The following RBFOX1 variants were observed in gnomAD, a reference collection of about 807,000 sequenced individuals.
RBFOX1 encodes RNA binding fox-1 homolog 1.
Under a neutral mutation model 57.7 loss-of-function variants are expected in RBFOX1, and 8 were observed. That is an observed-to-expected ratio of 0.14 (90% CI 0.08 to 0.25). The LOEUF is 0.25. Ranked by LOEUF, RBFOX1 falls within the 10% of genes least tolerant of loss-of-function variation. The pLI is 1.00. For synonymous variants in RBFOX1, 326 were observed against 222.4 expected, an observed-to-expected ratio of 1.47 and a Z score of -4.15; for missense variants, 611 against 548.5, an observed-to-expected ratio of 1.11 and a Z score of -1.14.
intron 3 of RBFOX1, among the ~76,000 whole-genome samples, chr16:5,698,208 G>C (rs1721078223): frequency 6.6e-6 from 1 of 152,062 alleles, no homozygotes. Flanking sequence ...TTCTTACACT[G>C]TTCTTGTTTG....
At chr16:7,601,225 T>C (rs963327604) in intron 9 of RBFOX1, among the ~76,000 whole-genome samples, 2 of 152,224 alleles carry the variant, frequency 1.3e-5, no homozygotes, top group Admixed American at 6.5e-5. Context: ...TCTTGAATTG[T>C]AGGAAGTTGT....
chr16:7,075,808 C>T (rs960059983), intron 4 of RBFOX1, among the ~76,000 whole-genome samples: 7 of 152,104 alleles, frequency 4.6e-5, no homozygotes. Context: ...TCTTGATCTC[C>T]TGACCTCGTG....
chr16:7,553,628 G>T (rs1333023159), intron 5 of RBFOX1, among the ~76,000 whole-genome samples: 1 of 152,210 alleles, frequency 6.6e-6, no homozygotes, highest in Non-Finnish European at 1.5e-5. Context: ...CAGTGCACTT[G>T]AAAGGTGCAC....
chr16:6,816,879 G>A (rs1462146378), intron 3 of RBFOX1, among the ~76,000 whole-genome samples: 11 of 152,074 alleles, frequency 7.2e-5, no homozygotes, highest in African/African-American at 2.7e-4. Context: ...CAAGTAGTTG[G>A]GACTAAAGGT....
chr16:5,701,597 T>C (rs938008031), intron 3 of RBFOX1, among the ~76,000 whole-genome samples: 8 of 152,190 alleles, frequency 5.3e-5, no homozygotes, highest in Non-Finnish European at 1.2e-4. Flanking sequence ...ACCTGGCTAA[T>C]ATTTTTTGTA....
At chr16:5,995,647 G>C (rs1021768777) in intron 4 of RBFOX1, among the ~76,000 whole-genome samples, 1 of 152,186 alleles carries the variant, frequency 6.6e-6, no homozygotes, top group Non-Finnish European at 1.5e-5. Context: ...GATGCTACAA[G>C]TCAACCCTTT....
chr16:5,795,199 A>G (rs1436395), intron 3 of RBFOX1, among the ~76,000 whole-genome samples: 31,476 of 152,124 alleles, frequency 0.21, 3,776 homozygotes, highest in East Asian at 0.42. Flanking sequence ...AAATGATTCT[A>G]CGTCAGTTTC....
chr16:7,019,748 T>G (rs891913956), intron 3 of RBFOX1, among the ~76,000 whole-genome samples: 5 of 152,196 alleles, frequency 3.3e-5, no homozygotes, highest in African/African-American at 1.2e-4. Flanking sequence ...ACTGCATGTT[T>G]ATGGGCTTTG....
intron 1 of RBFOX1, among the ~76,000 whole-genome samples, chr16:5,254,524 C>T (rs1567239388): frequency 6.6e-6 from 1 of 152,162 alleles, no homozygotes; most frequent in Non-Finnish European, 1.5e-5. Flanking sequence ...TTGTGGTCTG[C>T]CATGCCCCCC....
At chr16:7,268,349 C>G (rs1031775547) in intron 4 of RBFOX1, among the ~76,000 whole-genome samples, 2 of 152,174 alleles carry the variant, frequency 1.3e-5, no homozygotes, top group African/African-American at 4.8e-5. Flanking sequence ...AAGGAACAGG[C>G]TGCTGAAGAA....
At position 6,717,755 on chromosome 16, in the gene RBFOX1, G is replaced by C. The variant is rs571947141; in HGVS notation, c.-16+63105G>C. Among the ~76,000 whole-genome samples, 11 of 152,266 alleles carry C rather than the reference G, an allele frequency of 7.2e-5. No homozygotes were observed. In the South Asian group the frequency reaches 2.1e-3, roughly 29 times the overall value. ...CTGCTGTACCAGGGATGTGTCATTA[G>C]TATGTGTTTACGGGCTGCAATTCTC... On this transcript the variant is annotated intron_variant, in intron 3 of 15. Transcript: ENST00000550418.
chr16:5,515,247 A>G (rs1476238062), intron 2 of RBFOX1, among the ~76,000 whole-genome samples: 2 of 152,234 alleles, frequency 1.3e-5, no homozygotes, highest in Non-Finnish European at 2.9e-5. Context: ...TGTCAGCTCC[A>G]TGTGGGCAAG....
At chr16:5,549,810 A>G (rs776048758) in intron 2 of RBFOX1, among the ~76,000 whole-genome samples, 1 of 152,170 alleles carries the variant, frequency 6.6e-6, no homozygotes, top group African/African-American at 2.4e-5. Flanking sequence ...GTCTGAAGGA[A>G]TGTAGTTTGT....
intron 3 of RBFOX1, among the ~76,000 whole-genome samples, chr16:6,692,756 C>T (rs1376027477): frequency 6.6e-6 from 1 of 152,050 alleles, no homozygotes; most frequent in Non-Finnish European, 1.5e-5. Flanking sequence ...CTGTTTCAAC[C>T]CACCTCTGGT....
intron 1 of RBFOX1, among the ~76,000 whole-genome samples, chr16:6,297,620 T>C (rs894926738): frequency 7.2e-5 from 11 of 152,184 alleles, no homozygotes; most frequent in Non-Finnish European, 1.5e-5. Flanking sequence ...GCCTGGATAC[T>C]TGTGGCCTTA....
At chr16:5,430,254 G>T (rs944421856) in intron 1 of RBFOX1, among the ~76,000 whole-genome samples, 1 of 152,148 alleles carries the variant, frequency 6.6e-6, no homozygotes, top group East Asian at 1.9e-4. Context: ...ATGGCAGCAG[G>T]TGGTGGGGCC....
chr16:6,032,201 A>T (rs888846154), intron 1 of RBFOX1, among the ~76,000 whole-genome samples: 1 of 152,004 alleles, frequency 6.6e-6, no homozygotes, highest in African/African-American at 2.4e-5. Context: ...CTGGTCTTGG[A>T]ACAAGAAACA....
At chr16:6,309,237 A>G (rs957539706) in intron 1 of RBFOX1, among the ~76,000 whole-genome samples, 5 of 152,114 alleles carry the variant, frequency 3.3e-5, no homozygotes, top group African/African-American at 1.2e-4. Flanking sequence ...CCAACTAAAA[A>G]GAGCCTCATT....
intron 1 of RBFOX1, among the ~76,000 whole-genome samples, chr16:6,141,913 G>T (rs192226574): frequency 2.0e-5 from 3 of 151,802 alleles, no homozygotes; most frequent in Admixed American, 2.0e-4. Flanking sequence ...ATAAAAATTA[G>T]CCAGGTATGG....
Sources: allele counts gnomAD v4.1 joint callset (sites outside exome capture counted in the v4.1 genomes callset), GRCh38; gene constraint gnomAD v4.1.1; transcripts MANE v1.5; gene names NCBI Gene and HGNC (gene_info 2026-07-23, HGNC 2026-07-21).